Variants in PSMD13 observed in about 807,000 individuals in gnomAD.
PSMD13 encodes proteasome 26S subunit, non-ATPase 13, also known as 26S proteasome non-ATPase regulatory subunit 13.
A neutral mutation model predicts 57.4 loss-of-function variants in PSMD13; 8 were observed. The observed-to-expected ratio is 0.14, with a 90% CI of 0.08 to 0.25. The LOEUF (loss-of-function observed/expected upper bound fraction) is 0.25. PSMD13 is among the 10% of genes least tolerant of loss of function. PSMD13 has a pLI of 1.00. For synonymous variants in PSMD13, 193 were observed against 168.2 expected (o/e 1.15, Z -1.14); for missense variants, 400 against 461.5 (o/e 0.87, Z 1.22).
At position 252,936 on chromosome 11, in the gene PSMD13, C is replaced by T. The variant is rs936082881; in HGVS notation, c.*336C>T. 9.2e-6 allele frequency: 2 copies of T among 217,570 alleles called. No individual in the cohort carries two copies. Among genetic ancestry groups the T allele is most frequent in the South Asian group, 2.1e-4 (2 of 9,668 alleles). The allele number at this position is 217,570 out of a possible 1,614,324, so 13.5% of individuals were successfully genotyped here. A position where few individuals can be genotyped will look rare whatever the true frequency, so the allele number is the denominator to read the frequency against. On this transcript the variant is annotated 3_prime_UTR_variant, in exon 13 of 13. Transcript: ENST00000532097. This position sits in a 1 kb window ranked among gnomAD's most constrained non-coding sequence, Gnocchi z 4.1. ...CATCCACCTGTACGGACATCTTTTC[C>T]GTTGCGGTTTGAGAATGTTCCTATA...
Position 252,933 on chromosome 11 carries a change from T to C in PSMD13, c.*333T>C, listed in dbSNP as rs532649215. ...CCCCATCCACCTGTACGGACATCTT[T>C]TCCGTTGCGGTTTGAGAATGTTCCT... On this transcript the variant is annotated 3_prime_UTR_variant, in exon 13 of 13. Transcript: ENST00000532097. This position sits in a 1 kb window ranked among gnomAD's most constrained non-coding sequence, Gnocchi z 4.1. 133 of 221,310 alleles carry C rather than the reference T, an allele frequency of 6.0e-4. No individual in the cohort carries two copies. Among genetic ancestry groups the C allele is most frequent in the Non-Finnish European group, 9.7e-4 (105 of 108,570 alleles). The allele number at this position is 221,310 out of a possible 1,614,324, so 13.7% of individuals were successfully genotyped here.
Position 250,871 on chromosome 11 carries a change from C to T in PSMD13, c.837+6C>T, listed in dbSNP as rs376554788. 41 of 1,613,152 alleles carry T rather than the reference C, an allele frequency of 2.5e-5. No homozygotes were observed. Among genetic ancestry groups the T allele is most frequent in the East Asian group, 1.1e-4 (5 of 44,902 alleles). Reference sequence around the variant, plus strand: ...AGTTGTTGTGCCTCATGGAGGTAAGCGAACACCCAGGAGCCACTTTGTCTG... The same window carrying T: ...AGTTGTTGTGCCTCATGGAGGTAAGTGAACACCCAGGAGCCACTTTGTCTG... On this transcript the variant is annotated splice_donor_region_variant and intron_variant, in intron 10 of 12. Transcript: ENST00000532097.
Position 236,997 on chromosome 11 carries a change from C to T in PSMD13, c.-53C>T, listed in dbSNP as rs1283788842. 1.4e-6 allele frequency: 2 copies of T among 1,475,184 alleles called. No individual in the cohort carries two copies. The highest frequency in any genetic ancestry group is 1.9e-6 in the Non-Finnish European group (2 of 1,058,658). The allele number at this position is 1,475,184 out of a possible 1,614,324, so 91.4% of individuals were successfully genotyped here. ...GAGTGAGCATTTCCGGCAGCCATCC[C>T]CGCGGTGCTGACATCCCGGTTGTTC... On this transcript the variant is annotated 5_prime_UTR_variant, in exon 1 of 13. Coordinates refer to ENST00000532097, the MANE Select transcript of PSMD13 (RefSeq NM_002817.4).
Position 244,145 on chromosome 11 carries a change from G to A in PSMD13, c.210-16G>A, listed in dbSNP as rs1029675081. On this transcript the variant is annotated splice_polypyrimidine_tract_variant and intron_variant, in intron 3 of 12. Transcript: ENST00000532097. The stretch of plus-strand genomic sequence containing the variant: ...GATGCTCGGCGGTGCTCAAAGGCTG[G>A]TGGCTTTTATTTCAGGGTGAACCCT... 8.7e-6 allele frequency: 14 copies of A among 1,607,966 alleles called. No individual in the cohort carries two copies. The highest frequency in any genetic ancestry group is 1.2e-5 in the Non-Finnish European group (14 of 1,175,186).
intron 2 of PSMD13, chr11:243,536 G>C (rs1035822971): frequency 1.2e-5 from 4 of 337,674 alleles, no homozygotes; most frequent in Admixed American, 4.0e-5. Context: ...CCTTACTTAT[G>C]GGATTCACCT....
Position 244,612 on chromosome 11 carries a change from G to A in PSMD13, c.310-63G>A, listed in dbSNP as rs555059183. On this transcript the variant is annotated intron_variant, in intron 5 of 12. Transcript: ENST00000532097. ...GGTTAAGTTAATGTACAAGTAGCTA[G>A]CTTCCTTTGTTAGTCAACTGCCCAC... The A allele has an allele frequency of 4.5e-6, 7 of 1,542,060 alleles. No homozygotes were observed. In the South Asian group the frequency reaches 7.9e-5, roughly 17 times the overall value.
chr11:248,223 G>A (rs1396419630), intron 7 of PSMD13: 1 of 153,732 alleles, frequency 6.5e-6, no homozygotes, highest in Middle Eastern at 3.2e-3. Flanking sequence ...TTTGGAAAAA[G>A]TGTAAGGAAT....
At chr11:248,046 C>T (rs116015255) in intron 7 of PSMD13, 2,167 of 152,586 alleles carry the variant, frequency 0.014, 34 homozygotes, top group African/African-American at 0.044. Context: ...CACCATGACG[C>T]CAACACCTTC....
rs1859768322 is a variant in PSMD13 at position 251,733 on chromosome 11, G to A, written c.919-87G>A. 4 of 1,526,694 alleles carry A rather than the reference G, an allele frequency of 2.6e-6. No homozygotes were observed. The highest frequency in any genetic ancestry group is 1.7e-5 in the Admixed American group (1 of 57,838). The allele number at this position is 1,526,694 out of a possible 1,614,324, so 94.6% of individuals were successfully genotyped here. On this transcript the variant is annotated intron_variant, in intron 11 of 12. Coordinates refer to ENST00000532097, the MANE Select transcript of PSMD13 (RefSeq NM_002817.4). The surrounding 1 kb of genome is among the most constrained non-coding windows in gnomAD (Gnocchi z 4.6). ...CCTAGACAGTAAAAAATGACGGGAG[G>A]AGCGGCATCTGCTTCTCACAAGCCA...
In PSMD13 at chr11:244,077, TAA is replaced by T. The variant is rs1462538055; in HGVS notation, c.209+5_209+6del. The T allele has an allele frequency of 1.2e-6, 2 of 1,609,306 alleles. No homozygotes were observed. The highest frequency in any genetic ancestry group is 2.7e-5 in the African/African-American group (2 of 74,776). Reference sequence around the variant, plus strand: ...CTTTATCAGTGAATTTGAACACAGGTAAAAGCCTCTCATCCGTTTTTCACTTT... The same window carrying T: ...CTTTATCAGTGAATTTGAACACAGGTAAGCCTCTCATCCGTTTTTCACTTT... On this transcript the variant is annotated splice_donor_region_variant and intron_variant, in intron 3 of 12. Transcript: ENST00000532097.
At position 251,992 on chromosome 11, in the gene PSMD13, T is replaced by C; in HGVS notation, c.1035+56T>C. The C allele has an allele frequency of 6.0e-6, 9 of 1,495,786 alleles. No homozygotes were observed. The highest frequency in any genetic ancestry group is 8.3e-6 in the Non-Finnish European group (9 of 1,081,608). The allele number at this position is 1,495,786 out of a possible 1,614,324, so 92.7% of individuals were successfully genotyped here. A position where few individuals can be genotyped will look rare whatever the true frequency, so the allele number is the denominator to read the frequency against. ...TGTGGATTTTGAGGGGTTGTGTCTA[T>C]ACCGTCTTAGTTTCATTTGGATGGA... On this transcript the variant is annotated intron_variant, in intron 12 of 12. Transcript: ENST00000532097. This position sits in a 1 kb window ranked among gnomAD's most constrained non-coding sequence, Gnocchi z 4.6.
rs972012610 is a variant in PSMD13 at position 246,405 on chromosome 11, G to C, written c.397-872G>C. 2.2e-4 allele frequency among the ~76,000 whole-genome samples: 34 copies of C among 152,296 alleles called. 1 individual carries two copies. The highest frequency in any genetic ancestry group is 7.7e-4 in the African/African-American group (32 of 41,570). ...TAGTCCCAGCCACTCGGGAGGCTGA[G>C]GCAGCGAATTGCTTCAGCCTGCAAG... is the stretch of plus-strand genomic sequence containing the variant. On this transcript the variant is annotated intron_variant, in intron 6 of 12. Coordinates refer to ENST00000532097, the MANE Select transcript of PSMD13 (RefSeq NM_002817.4).
In PSMD13 at chr11:245,693, TTC is replaced by T. The variant is rs1491555175; in HGVS notation, c.396+933_396+934del. Among the ~76,000 whole-genome samples the T allele has an allele frequency of 2.6e-3, 229 of 86,688 alleles. 2 individuals carry two copies. Among genetic ancestry groups the T allele is most frequent in the African/African-American group, 8.5e-3 (172 of 20,164 alleles). The allele number at this position is 86,688 out of a possible 152,430, so 56.9% of individuals were successfully genotyped here. A position where few individuals can be genotyped will look rare whatever the true frequency, so the allele number is the denominator to read the frequency against. On this transcript the variant is annotated intron_variant, in intron 6 of 12. Coordinates refer to ENST00000532097, the MANE Select transcript of PSMD13 (RefSeq NM_002817.4). ...GTGTGTGTGTGTGTTTGCATGTGTG[TTC>T]GTGTGTTTGTGTGTGTTTGTGTGTG... is the stretch of plus-strand genomic sequence containing the variant.
chr11:245,738 G>A (rs1859635092), intron 6 of PSMD13, among the ~76,000 whole-genome samples: 1 of 144,294 alleles, frequency 6.9e-6, no homozygotes, highest in African/African-American at 2.7e-5. Flanking sequence ...GTGTGTGTGT[G>A]TGTTTGCTAA....
chr11:243,606 C>G, intron 2 of PSMD13: 1 of 380,262 alleles, frequency 2.6e-6, no homozygotes, highest in Non-Finnish European at 5.1e-6. Flanking sequence ...ATAAACCTGT[C>G]CTGGTAGGCT....
intron 2 of PSMD13, 27 bp from the exon 3 acceptor site, chr11:244,014 A>T: frequency 6.3e-7 from 1 of 1,591,750 alleles, no homozygotes; most frequent in Non-Finnish European, 8.6e-7. Context: ...ACATCCTATA[A>T]TTTCTCTCCA....
At chr11:243,292 T>G in intron 2 of PSMD13, 1 of 414,954 alleles carries the variant, frequency 2.4e-6, no homozygotes, top group Admixed American at 3.0e-5. Context: ...AGATTCTGCT[T>G]TTATATTGAA....
At chr11:247,604 A>G (rs905286845) in intron 7 of PSMD13, 156 bp downstream of exon 7, 7 of 739,994 alleles carry the variant, frequency 9.5e-6, no homozygotes, top group Admixed American at 3.3e-5. Context: ...GGCTGAAGTG[A>G]GTGGATCACC....
chr11:241,091 C>G (rs923265414), intron 2 of PSMD13, among the ~76,000 whole-genome samples: 9 of 151,746 alleles, frequency 5.9e-5, no homozygotes, highest in Admixed American at 5.2e-4. Flanking sequence ...CTTGGCCTCC[C>G]AAAGTGCTGG....
Sources: gnomAD v4.1 joint callset for allele counts (sites outside exome capture counted in the v4.1 genomes callset) on GRCh38, gnomAD v4.1.1 for gene constraint, Gnocchi (gnomAD v3.1) non-coding constraint, MANE v1.5 for transcripts, NCBI Gene and HGNC (gene_info 2026-07-23, HGNC 2026-07-21) for gene names.